ERAP1: variants seen among roughly 807,000 people sequenced by gnomAD.
ERAP1 encodes the protein adipocyte-derived leucine aminopeptidase.
Under a neutral mutation model 103.7 loss-of-function variants are expected in ERAP1, and 86 were observed. That is an observed-to-expected ratio of 0.83 (90% CI 0.70 to 0.99). The LOEUF is 0.99. Among genes scored for constraint, ERAP1 ranks in the 50% least tolerant of loss-of-function variants. The pLI is 0.00. For missense variants in ERAP1, 1,009 were observed against 1,128.4 expected, an observed-to-expected ratio of 0.89 and a Z score of 1.52; for synonymous variants, 398 against 402.4, an observed-to-expected ratio of 0.99 and a Z score of 0.13.
chr5:96,879,083 G>C, the ERAP1 span, among the ~76,000 whole-genome samples: 7 of 152,154 alleles, frequency 4.6e-5, no homozygotes, highest in South Asian at 1.4e-3. Flanking sequence ...GCCGAGTGTG[G>C]CGGTGTGTGT....
chr5:96,858,675 T>G, the ERAP1 span, among the ~76,000 whole-genome samples: 1 of 152,188 alleles, frequency 6.6e-6, no homozygotes, highest in African/African-American at 2.4e-5. Flanking sequence ...TTAGAGTGCA[T>G]GACAATGCCC....
intron 10 of ERAP1, 86 bp downstream of exon 10, chr5:96,790,210 C>T (rs1776567551): frequency 8.5e-7 from 1 of 1,174,800 alleles, no homozygotes; most frequent in African/African-American, 1.5e-5. Context: ...TCAAGGACCT[C>T]AGAAAGTTTG....
At chr5:96,839,607 T>G in the ERAP1 span, among the ~76,000 whole-genome samples, 1 of 152,210 alleles carries the variant, frequency 6.6e-6, no homozygotes, top group Non-Finnish European at 1.5e-5. Flanking sequence ...AGGATATATA[T>G]CGACACGGTC....
the ERAP1 span, among the ~76,000 whole-genome samples, chr5:96,892,721 A>G: frequency 6.6e-6 from 1 of 152,196 alleles, no homozygotes; most frequent in African/African-American, 2.4e-5. Flanking sequence ...TGGGAAAAGA[A>G]GGGAAGTGAC....
At chr5:96,785,553 G>A (rs1033485679) in intron 13 of ERAP1, 20 of 524,940 alleles carry the variant, frequency 3.8e-5, no homozygotes, top group Non-Finnish European at 5.9e-5. Context: ...AGTATGATCT[G>A]AATTATTAAT....
the ERAP1 span, among the ~76,000 whole-genome samples, chr5:96,877,044 G>T: frequency 1.3e-5 from 2 of 152,092 alleles, no homozygotes; most frequent in African/African-American, 4.8e-5. Flanking sequence ...GCACGATCTC[G>T]GCTCACTGCA....
downstream of ERAP1, chr5:96,771,782 C>T (rs774613198): frequency 6.1e-6 from 5 of 817,236 alleles, no homozygotes; most frequent in Non-Finnish European, 1.0e-5. Context: ...GAAGTGAAGT[C>T]CACCTCTTGA....
chr5:96,780,527 A>C (rs747878996), intron 17 of ERAP1, 23 bp from the exon 18 acceptor site: 1 of 1,569,740 alleles, frequency 6.4e-7, no homozygotes, highest in South Asian at 1.1e-5. Flanking sequence ...ATATTCAAAA[A>C]CGGGTTGTGA....
rs770189476 is a variant in ERAP1, at chr5:96,781,202, G to A, written c.2448-4C>T. The A allele has an allele frequency of 2.0e-5, 33 of 1,611,204 alleles. No homozygotes were observed. The highest frequency in any genetic ancestry group is 1.5e-4 in the Admixed American group (9 of 59,756). On this transcript the variant is annotated splice_region_variant and splice_polypyrimidine_tract_variant and intron_variant, in intron 16 of 18. Transcript: ENST00000443439. ...CTTAAAGCTTTCATCTAGTAGCCTA[G>A]AAGGATTAAGAAAAGAAATGTTAGC...
upstream of ERAP1, among the ~76,000 whole-genome samples, chr5:96,810,674 G>A (rs1581663338): frequency 6.6e-6 from 1 of 152,184 alleles, no homozygotes; most frequent in South Asian, 2.1e-4. Flanking sequence ...CCAGAGGTGA[G>A]CCAGAGGAAT....
At chr5:96,922,123 C>A in the ERAP1 span, among the ~76,000 whole-genome samples, 1 of 151,220 alleles carries the variant, frequency 6.6e-6, no homozygotes, top group Non-Finnish European at 1.5e-5. Flanking sequence ...ACGGTGAAAC[C>A]CCGTCGCTGC....
downstream of ERAP1, chr5:96,772,393 C>T (rs1191838095): frequency 1.3e-5 from 2 of 151,976 alleles, no homozygotes; most frequent in Non-Finnish European, 2.9e-5. Context: ...TAGGTTAAAT[C>T]GGGTTCAGCT....
chr5:96,910,588 A>C, the ERAP1 span, among the ~76,000 whole-genome samples: 3 of 152,226 alleles, frequency 2.0e-5, no homozygotes, highest in Admixed American at 1.3e-4. Flanking sequence ...CTATTATTTC[A>C]TCTTTATGCT....
chr5:96,923,437 GT>G, the ERAP1 span, among the ~76,000 whole-genome samples: 1 of 152,204 alleles, frequency 6.6e-6, no homozygotes, highest in Non-Finnish European at 1.5e-5. Flanking sequence ...GCTGACGCCT[GT>G]AATCTCAGCA....
intron 8 of ERAP1, among the ~76,000 whole-genome samples, chr5:96,791,741 C>T (rs1005787135): frequency 6.6e-6 from 1 of 152,200 alleles, no homozygotes; most frequent in African/African-American, 2.4e-5. Flanking sequence ...GTAAGCTACA[C>T]GAGGGCAGGA....
the ERAP1 span, chr5:96,848,724 C>T: frequency 6.6e-6 from 1 of 152,086 alleles, no homozygotes; most frequent in Non-Finnish European, 1.5e-5. Flanking sequence ...ACTAATACCA[C>T]TCCTTCTCAA....
chr5:96,802,229 T>G (rs1383795241), intron 2 of ERAP1, among the ~76,000 whole-genome samples: 2 of 152,156 alleles, frequency 1.3e-5, no homozygotes, highest in Non-Finnish European at 2.9e-5. Context: ...CAATTTCATT[T>G]CCATTCCCGA....
the ERAP1 span, chr5:96,909,770 T>C: frequency 3.7e-6 from 6 of 1,613,350 alleles, no homozygotes; most frequent in Non-Finnish European, 5.1e-6. Context: ...TTAAAGTAGA[T>C]GTAGACTTCT....
intron 19 of ERAP1, chr5:96,767,815 C>A: frequency 1.3e-6 from 1 of 744,912 alleles, no homozygotes; most frequent in East Asian, 2.6e-5. Flanking sequence ...CTTATAGAAA[C>A]ATCTTTTATT....
Sources: gnomAD v4.1 joint callset for allele counts (sites outside exome capture counted in the v4.1 genomes callset) on GRCh38, gnomAD v4.1.1 for gene constraint, MANE v1.5 for transcripts, NCBI Gene and HGNC (gene_info 2026-07-23, HGNC 2026-07-21) for gene names.